The following STYX variants were observed in gnomAD, a reference collection of about 807,000 sequenced individuals.
STYX encodes serine/threonine/tyrosine interacting protein.
In STYX, 20 loss-of-function variants were observed where a neutral mutation model predicts 42.7. The observed-to-expected ratio is 0.47, with a 90% confidence interval of 0.33 to 0.68. The LOEUF is 0.68. Among genes scored for constraint, STYX ranks in the 30% least tolerant of loss-of-function variants. The pLI, the probability that STYX is intolerant of heterozygous loss-of-function variation, is 0.02. For synonymous variants in STYX, 78 were observed against 81.9 expected, an observed-to-expected ratio of 0.95 and a Z score of 0.26; for missense variants, 226 against 268.5, an observed-to-expected ratio of 0.84 and a Z score of 1.11.
At chr14:52,737,763 T>G (rs187946322) in intron 1 of STYX, among the ~76,000 whole-genome samples, 172 of 152,200 alleles carry the variant, frequency 1.1e-3, no homozygotes, top group African/African-American at 4.1e-3. Flanking sequence ...CTTAAAATCT[T>G]GGTTAGTAAG....
chr14:52,759,398 GC>G (rs1442817580), intron 8 of STYX, among the ~76,000 whole-genome samples: 1 of 152,144 alleles, frequency 6.6e-6, no homozygotes, highest in African/African-American at 2.4e-5. Context: ...GGGGTTACAG[GC>G]AAGAGCCACT....
chr14:52,767,165 C>T (rs988606221), intron 9 of STYX, among the ~76,000 whole-genome samples: 4 of 152,038 alleles, frequency 2.6e-5, no homozygotes, highest in South Asian at 2.1e-4. Flanking sequence ...AAGAGATGCA[C>T]GTATTTGGGG....
chr14:52,755,176 G>A (rs1358546473), intron 4 of STYX, among the ~76,000 whole-genome samples: 2 of 148,828 alleles, frequency 1.3e-5, no homozygotes, highest in Non-Finnish European at 3.0e-5. Flanking sequence ...AGGCTGGAGT[G>A]CAGTGGCACA....
intron 9 of STYX, among the ~76,000 whole-genome samples, chr14:52,762,878 CTTTCTTTTTTTTTTTTTTT>C (rs1379274145): frequency 1.3e-5 from 1 of 77,430 alleles, no homozygotes. Flanking sequence ...TTCTTTCTTT[CTTTCTTTTTTTTTTTTTTT>C]TTTTTTTTTT....
chr14:52,741,981 G>A (rs180729517), intron 1 of STYX, among the ~76,000 whole-genome samples: 1 of 152,122 alleles, frequency 6.6e-6, no homozygotes, highest in African/African-American at 2.4e-5. Context: ...GACTTTATCT[G>A]TGTGAATTAT....
intron 1 of STYX, among the ~76,000 whole-genome samples, chr14:52,736,453 T>C (rs1880955192): frequency 6.6e-6 from 1 of 152,176 alleles, no homozygotes; most frequent in Admixed American, 6.5e-5. Context: ...TTTAAGCAAA[T>C]TGGTTGTAGC....
At chr14:52,752,154 C>G (rs1186977141) in intron 4 of STYX, among the ~76,000 whole-genome samples, 1 of 144,330 alleles carries the variant, frequency 6.9e-6, no homozygotes, top group Admixed American at 7.1e-5. Flanking sequence ...AGCAAGACAC[C>G]GTCTCAAAAA....
chr14:52,731,388 T>G (rs1042263920), intron 1 of STYX, among the ~76,000 whole-genome samples: 5 of 152,058 alleles, frequency 3.3e-5, no homozygotes, highest in Admixed American at 2.0e-4. Context: ...ACCATTCAAT[T>G]TATTCCGAAT....
At chr14:52,765,650 G>T (rs1882274140) in intron 9 of STYX, among the ~76,000 whole-genome samples, 1 of 152,210 alleles carries the variant, frequency 6.6e-6, no homozygotes, top group South Asian at 2.1e-4. Context: ...CCAGTTTCAT[G>T]AAAGACAATT....
chr14:52,755,114 TTTTTTTG>T (rs1401325932), intron 4 of STYX, among the ~76,000 whole-genome samples: 1 of 111,078 alleles, frequency 9.0e-6, no homozygotes, highest in Admixed American at 9.0e-5. Context: ...TTTTTGTTTG[TTTTTTTG>T]TTTTTTTTTT....
intron 9 of STYX, among the ~76,000 whole-genome samples, chr14:52,766,886 T>C (rs1196401233): frequency 6.6e-6 from 1 of 152,142 alleles, no homozygotes; most frequent in East Asian, 1.9e-4. Flanking sequence ...TTGTTTTCCA[T>C]GTCCCATGCT....
chr14:52,768,743 C>T, intron 9 of STYX, 97 bp from the exon 10 acceptor site: 2 of 765,726 alleles, frequency 2.6e-6, no homozygotes, highest in Non-Finnish European at 3.9e-6. Context: ...TTTTTCAATA[C>T]AGATGAAGAA....
chr14:52,736,029 G>C (rs1411502439), intron 1 of STYX, among the ~76,000 whole-genome samples: 1 of 152,052 alleles, frequency 6.6e-6, no homozygotes, highest in East Asian at 1.9e-4. Flanking sequence ...ACCTCATTAT[G>C]AGCTACTCTT....
In STYX at chr14:52,750,677, A is replaced by G; in HGVS notation, c.145-6A>G. On this transcript the variant is annotated splice_region_variant and splice_polypyrimidine_tract_variant and intron_variant, in intron 3 of 10. Transcript: ENST00000354586. ...CTGTCCTCCCCCTGCTTTTTTTTTT[A>G]TACAGCTACCTGTACTACAGAAACA... 1.3e-6 allele frequency: 2 copies of G among 1,516,808 alleles called. No individual in the cohort carries two copies. The highest frequency in any genetic ancestry group is 1.8e-6 in the Non-Finnish European group (2 of 1,127,308). The allele number at this position is 1,516,808 out of a possible 1,614,324, so 94.0% of individuals were successfully genotyped here. A position where few individuals can be genotyped will look rare whatever the true frequency, so the allele number is the denominator to read the frequency against.
chr14:52,742,014 G>A (rs1430241179), intron 1 of STYX, among the ~76,000 whole-genome samples: 1 of 152,152 alleles, frequency 6.6e-6, no homozygotes, highest in Non-Finnish European at 1.5e-5. Context: ...TTTAAGGTGT[G>A]TTTTTCTAGA....
chr14:52,743,835 A>T (rs1365681606), intron 1 of STYX, among the ~76,000 whole-genome samples: 1 of 152,080 alleles, frequency 6.6e-6, no homozygotes, highest in Admixed American at 6.6e-5. Context: ...GTACTATAGT[A>T]TTTTTTTAGA....
At chr14:52,741,274 T>C (rs1017699336) in intron 1 of STYX, among the ~76,000 whole-genome samples, 2 of 150,858 alleles carry the variant, frequency 1.3e-5, no homozygotes, top group Admixed American at 6.6e-5. Flanking sequence ...CTAGATATTA[T>C]AATAGGGTAG....
At chr14:52,750,845 A>G (rs748738665) in intron 4 of STYX, 65 bp downstream of exon 4, 48 of 1,137,000 alleles carry the variant, frequency 4.2e-5, no homozygotes, top group Non-Finnish European at 5.5e-5. Context: ...TTGTACCATC[A>G]GTTGTTTCTG....
At chr14:52,765,539 T>C (rs956504104) in intron 9 of STYX, among the ~76,000 whole-genome samples, 1 of 152,174 alleles carries the variant, frequency 6.6e-6, no homozygotes, top group African/African-American at 2.4e-5. Flanking sequence ...TAGAGAAGTT[T>C]GAAGGCAGAC....
Sources: allele counts gnomAD v4.1 joint callset (sites outside exome capture counted in the v4.1 genomes callset), GRCh38; gene constraint gnomAD v4.1.1; transcripts MANE v1.5; gene names NCBI Gene and HGNC (gene_info 2026-07-23, HGNC 2026-07-21).